VPS8: variants seen among roughly 807,000 people sequenced by gnomAD.
VPS8 encodes vacuolar protein sorting-associated protein 8 homolog.
A neutral mutation model predicts 216.4 loss-of-function variants in VPS8; 129 were observed. The observed-to-expected ratio is 0.60, with a 90% CI of 0.52 to 0.69. VPS8 has a LOEUF of 0.69. Among genes scored for constraint, VPS8 ranks in the 30% least tolerant of loss-of-function variants. The pLI is 0.00. For synonymous variants in VPS8, 571 were observed against 565.4 expected (o/e 1.01, Z -0.14); for missense variants, 1,531 against 1,683.5 (o/e 0.91, Z 1.59).
At position 184,957,494 on chromosome 3, in the gene VPS8, G is replaced by C. The variant is rs1560861043; in HGVS notation, c.3156G>C (p.Glu1052Asp). Reference protein sequence around the residue: ...TQVIETLQVLECYRLEETIQI... With the variant: ...TQVIETLQVLDCYRLEETIQI... ...TTATAGAGACTCTGCAAGTCCTTGAGTGCTACCGTCTGGAAGAAACTATTC... is the reference window on the plus strand; with the variant it reads ...TTATAGAGACTCTGCAAGTCCTTGACTGCTACCGTCTGGAAGAAACTATTC... Residue 1052 changes from glutamate to aspartate, a missense_variant, in exon 37 of 48, where the codon GAG becomes GAC. Physicochemically the swap from Glu to Asp is conservative, Grantham distance 45 (BLOSUM62 2). Coordinates refer to ENST00000625842, the MANE Select transcript of VPS8 (RefSeq NM_001009921.3). The C allele has an allele frequency of 6.2e-7, 1 of 1,611,950 alleles. No homozygotes were observed. The highest frequency in any genetic ancestry group is 2.2e-5 in the East Asian group (1 of 44,784).
chr3:184,936,630 T>A (rs888011025), intron 35 of VPS8, among the ~76,000 whole-genome samples: 1 of 151,638 alleles, frequency 6.6e-6, no homozygotes, highest in Non-Finnish European at 1.5e-5. Context: ...CATACAAATA[T>A]GAGCTTCAAA....
chr3:184,928,726 A>T (rs1433334134), intron 32 of VPS8, among the ~76,000 whole-genome samples, 193 bp downstream of exon 32: 1 of 152,216 alleles, frequency 6.6e-6, no homozygotes, highest in Non-Finnish European at 1.5e-5. Context: ...GCAGAAATTG[A>T]TAGGGCAGAT....
chr3:184,913,380 G>T (rs1736919635), intron 25 of VPS8, 139 bp from the exon 26 acceptor site: 1 of 660,288 alleles, frequency 1.5e-6, no homozygotes. Context: ...CAATAAAGTG[G>T]TCTTAACTTC....
chr3:184,953,087 G>A (rs749876814), intron 36 of VPS8, among the ~76,000 whole-genome samples: 1 of 152,134 alleles, frequency 6.6e-6, no homozygotes, highest in Admixed American at 6.5e-5. Flanking sequence ...TTAAGATGGG[G>A]TCTGTTACCA....
chr3:184,862,982 C>G lies in VPS8; in HGVS notation c.1310C>G (p.Thr437Arg). 1 of 1,613,952 alleles carries G rather than the reference C, an allele frequency of 6.2e-7. No individual in the cohort carries two copies. The highest frequency in any genetic ancestry group is 8.5e-7 in the Non-Finnish European group (1 of 1,179,840). The change falls in exon 16 of 48, where the codon ACA becomes AGA. Residue 437 changes from threonine (T) to arginine (R), a missense_variant. By Grantham distance (71) the Thr-to-Arg change is moderately conservative. Transcript: ENST00000625842. ...CGGCAAACACAAGAGGAATTGGAGA[C>G]AGTGGAGATCTCAGAAGTTCAGCTG... ...IDRQTQEELE[T>R]VEISEVQLVY...
chr3:184,875,707 C>CCAGGGATGATGGCTCACACCTACAATGG (rs1729127846), intron 21 of VPS8, among the ~76,000 whole-genome samples: 1 of 151,830 alleles, frequency 6.6e-6, no homozygotes, highest in Non-Finnish European at 1.5e-5. Flanking sequence ...CTGTCTCTGG[C>CCAGGGATGATGGCTCACACCTACAATGG]CAGGGATGAT....
intron 22 of VPS8, among the ~76,000 whole-genome samples, chr3:184,887,759 T>A (rs1731550443): frequency 6.6e-6 from 1 of 152,216 alleles, no homozygotes; most frequent in Non-Finnish European, 1.5e-5. Context: ...TGAATTTATG[T>A]AAATTCTAGT....
chr3:184,926,787 G>A, intron 31 of VPS8, 137 bp downstream of exon 31: 2 of 805,768 alleles, frequency 2.5e-6, no homozygotes, highest in South Asian at 1.9e-5. Context: ...AGAGTCAGTG[G>A]GAACCAGAAA....
chr3:184,982,659 A>C lies in VPS8; in HGVS notation c.3502+12A>C, dbSNP rs1330760421. 4 of 1,600,172 alleles carry C rather than the reference A, an allele frequency of 2.5e-6. No individual in the cohort carries two copies. In the East Asian group the frequency reaches 8.9e-5, roughly 36 times the overall value. ...TCTACACTCTGAAGGTAAGTTCTTC[A>C]GAATTCAAGTGACTGAGTCCACCTG... is the stretch of plus-strand genomic sequence containing the variant. On this transcript the variant is annotated intron_variant, in intron 41 of 47. Transcript: ENST00000625842.
At position 184,978,597 on chromosome 3, in the gene VPS8, C is replaced by T. The variant is rs78895674; in HGVS notation, c.3421-3969C>T. Among the ~76,000 whole-genome samples the T allele has an allele frequency of 4.3e-3, 652 of 152,046 alleles. 11 individuals carry two copies. The highest frequency in any genetic ancestry group is 0.014 in the African/African-American group (600 of 41,484). On this transcript the variant is annotated intron_variant, in intron 40 of 47. Transcript: ENST00000625842. ...TGTGTTTTTGTAGAAACAGGGTCTC[C>T]CCAGGTTGCTCAGGCTTGTCTCGAA...
chr3:184,898,574 A>T lies in VPS8; in HGVS notation c.2014A>T (p.Met672Leu). 1 of 1,551,664 alleles carries T rather than the reference A, an allele frequency of 6.4e-7. No homozygotes were observed. Among genetic ancestry groups the T allele is most frequent in the Non-Finnish European group, 8.7e-7 (1 of 1,146,710 alleles). The change falls in exon 24 of 48, where the codon ATG becomes TTG. Residue 672 changes from methionine (M) to leucine (L), a missense_variant. This residue lies in a region of VPS8 where 1,318 missense variants were observed against 1,468.4 expected (regional missense o/e 0.90). Transcript: ENST00000625842. Reference sequence around the variant, plus strand: ...CTTTTCCTTTTCACAGGTAGTTCTCATGTGTTGGGAAAATCGTTTATATGA... The same window carrying T: ...CTTTTCCTTTTCACAGGTAGTTCTCTTGTGTTGGGAAAATCGTTTATATGA... ...TSLDIQQVVL[M>L]CWENRLYDAM...
chr3:184,946,350 C>G (rs1318868285), intron 36 of VPS8, among the ~76,000 whole-genome samples: 3 of 152,208 alleles, frequency 2.0e-5, no homozygotes, highest in Admixed American at 6.5e-5. Flanking sequence ...AAATTAAATT[C>G]CACTCATGGT....
At chr3:184,932,477 T>C (rs1050921545) in intron 34 of VPS8, among the ~76,000 whole-genome samples, 21 of 152,206 alleles carry the variant, frequency 1.4e-4, no homozygotes, top group Admixed American at 6.5e-4. Flanking sequence ...AAAACAAATG[T>C]ATAGCTTAAT....
At chr3:184,936,415 T>G in intron 35 of VPS8, 80 bp downstream of exon 35, 1 of 1,285,970 alleles carries the variant, frequency 7.8e-7, no homozygotes. Context: ...AAGTTTTGAT[T>G]GTAGTGATTT....
chr3:184,890,142 T>A (rs1277119351), intron 22 of VPS8, among the ~76,000 whole-genome samples: 1 of 152,230 alleles, frequency 6.6e-6, no homozygotes, highest in Non-Finnish European at 1.5e-5. Context: ...TTTTTCTCCT[T>A]AAACTGGATC....
At chr3:184,981,624 C>T (rs984383031) in intron 40 of VPS8, among the ~76,000 whole-genome samples, 17 of 151,812 alleles carry the variant, frequency 1.1e-4, no homozygotes, top group African/African-American at 4.1e-4. Flanking sequence ...TTAGTAGAGA[C>T]GGGGTTTCAC....
intron 36 of VPS8, among the ~76,000 whole-genome samples, chr3:184,940,550 G>T (rs548891022): frequency 1.3e-5 from 2 of 152,142 alleles, no homozygotes; most frequent in Non-Finnish European, 2.9e-5. Context: ...TCCCCCTCCT[G>T]CCCTTGTTTC....
chr3:184,955,775 C>A (rs1294383831), intron 36 of VPS8, among the ~76,000 whole-genome samples: 9 of 115,502 alleles, frequency 7.8e-5, no homozygotes, highest in Admixed American at 1.7e-4. Context: ...CATCAGATTA[C>A]TGAGCACTAT....
At chr3:184,873,592 T>A (rs866571447) in intron 21 of VPS8, among the ~76,000 whole-genome samples, 14 of 152,238 alleles carry the variant, frequency 9.2e-5, no homozygotes, top group African/African-American at 3.1e-4. Flanking sequence ...GAGCTAGAAT[T>A]TGAATTCAAG....
Sources: allele counts gnomAD v4.1 joint callset (sites outside exome capture counted in the v4.1 genomes callset), GRCh38; gene constraint gnomAD v4.1.1; regional missense constraint gnomAD v4.1.1; transcripts MANE v1.5; gene names NCBI Gene and HGNC (gene_info 2026-07-23, HGNC 2026-07-21).